Variants in ZNF3 observed in about 807,000 individuals in gnomAD.
The protein encoded by ZNF3 is zinc finger protein 3.
ZNF3 carries 16 observed loss-of-function variants against 36.9 expected under a neutral mutation model. The observed-to-expected ratio is 0.43, with a 90% CI of 0.29 to 0.66. The LOEUF (loss-of-function observed/expected upper bound fraction) is 0.66, where lower values mean the gene tolerates loss of function less well. ZNF3 is among the 30% of genes least tolerant of loss of function. The pLI is 0.13. For synonymous variants in ZNF3, 201 were observed against 201.9 expected (o/e 1.00, Z 0.04); for missense variants, 462 against 543.1 (o/e 0.85, Z 1.48).
downstream of ZNF3, among the ~76,000 whole-genome samples, chr7:100,069,064 G>C (rs1280973343): frequency 6.6e-6 from 1 of 151,698 alleles, no homozygotes; most frequent in Non-Finnish European, 1.5e-5. Context: ...TCCTGACCTT[G>C]TGATCCGCCC....
chr7:100,063,949 C>A (rs752063106), downstream of ZNF3: 1 of 1,614,100 alleles, frequency 6.2e-7, no homozygotes, highest in Admixed American at 1.7e-5. Flanking sequence ...AGGAACAAAA[C>A]CCCCTCTTCA....
rs778673451 is a variant in ZNF3 at position 100,071,212 on chromosome 7, C to G, written c.1272G>C (p.Leu424Phe). ...AGCTTTTGCTCATGCCGATCCCATT[C>G]AAAGGCTTCTCTCCAGTGTGAATTC... ...HQRIHTGEKP[L>F]NGIGMSKSSL... Residue 424 changes from leucine to phenylalanine, a missense_variant, in exon 6 of 6, where the codon TTG becomes TTC. Leu to Phe is a conservative substitution (Grantham distance 22). Transcript: ENST00000299667. The G allele has an allele frequency of 1.9e-6, 3 of 1,614,020 alleles. No homozygotes were observed. The highest frequency in any genetic ancestry group is 2.5e-6 in the Non-Finnish European group (3 of 1,179,914).
exon 6 of ZNF3, chr7:100,064,696 G>C (rs776579791): frequency 1.2e-6 from 2 of 1,606,614 alleles, no homozygotes; most frequent in South Asian, 1.1e-5. Context: ...CATTGCAGCA[G>C]CATCGATTCC....
exon 6 of ZNF3, chr7:100,064,033 G>A (rs762951123): frequency 6.2e-7 from 1 of 1,614,152 alleles, no homozygotes; most frequent in South Asian, 1.1e-5. Flanking sequence ...TTATATATGT[G>A]CTGAATGTGG....
chr7:100,077,060 G>A (rs562728014), intron 3 of ZNF3: 12 of 432,972 alleles, frequency 2.8e-5, no homozygotes, highest in Non-Finnish European at 4.3e-5. Flanking sequence ...AACAGAGCAA[G>A]ACTCCATCTC....
upstream of ZNF3, chr7:100,082,420 C>G (rs1795087292): frequency 6.6e-6 from 1 of 151,848 alleles, no homozygotes; most frequent in African/African-American, 2.4e-5. Flanking sequence ...CCCGTCTCGA[C>G]TAAAAATACA....
exon 6 of ZNF3, chr7:100,064,161 C>T (rs140321647): frequency 7.4e-6 from 12 of 1,613,972 alleles, no homozygotes; most frequent in Admixed American, 3.3e-5. Context: ...ACCTCACCCT[C>T]CACTACAGAA....
chr7:100,070,158 GTTTT>G lies in ZNF3; in HGVS notation c.*981_*984del, dbSNP rs553362839. The G allele has an allele frequency of 2.1e-6, 2 of 966,868 alleles. No individual in the cohort carries two copies. The highest frequency in any genetic ancestry group is 1.9e-5 in the African/African-American group (1 of 53,078). The allele number at this position is 966,868 out of a possible 1,614,324, so 59.9% of individuals were successfully genotyped here. A position where few individuals can be genotyped will look rare whatever the true frequency, so the allele number is the denominator to read the frequency against. ...TGCCTTCTCTGGGCTTCGTTTTTTT[GTTTT>G]TTTGTTTTTTTTTTCTCCCTTTTGG... On this transcript the variant is annotated 3_prime_UTR_variant, in exon 6 of 6. Transcript: ENST00000299667.
chr7:100,074,589 C>T (rs1430649624), intron 5 of ZNF3, among the ~76,000 whole-genome samples: 1 of 152,114 alleles, frequency 6.6e-6, no homozygotes, highest in African/African-American at 2.4e-5. Flanking sequence ...ACTTTCCTTA[C>T]CTGTAAAATG....
At chr7:100,065,292 C>T (rs1008529675), downstream of ZNF3, among the ~76,000 whole-genome samples, 1 of 151,848 alleles carries the variant, frequency 6.6e-6, no homozygotes, top group Non-Finnish European at 1.5e-5. Flanking sequence ...AGCATAGTGG[C>T]GGGTGCCTGT....
intron 2 of ZNF3, chr7:100,077,639 T>C: frequency 3.6e-6 from 1 of 275,792 alleles, no homozygotes; most frequent in Non-Finnish European, 6.7e-6. Context: ...CAGGCAGGTC[T>C]GGAACTCCTG....
At chr7:100,077,931 T>A (rs1396224740) in intron 2 of ZNF3, 3 of 152,330 alleles carry the variant, frequency 2.0e-5, no homozygotes, top group Non-Finnish European at 4.4e-5. Context: ...GATTTCACCA[T>A]GTCAGCCAGG....
In ZNF3 at chr7:100,077,403, G is replaced by C. The variant is rs969788627; in HGVS notation, c.-46C>G. 1.9e-6 allele frequency: 3 copies of C among 1,613,222 alleles called. No homozygotes were observed. On this transcript the variant is annotated 5_prime_UTR_variant, in exon 3 of 6. Coordinates refer to ENST00000299667, the MANE Select transcript of ZNF3 (RefSeq NM_032924.5). ...GGTCTCCTGGGTGCAGACTCAGCGG[G>C]AAGCGGGTTTTAAAAGAGAATGAGG...
chr7:100,063,998 C>G (rs1428047499), downstream of ZNF3: 1 of 1,614,180 alleles, frequency 6.2e-7, no homozygotes. Flanking sequence ...TCAGTTCCTA[C>G]TAAACCTACC....
At chr7:100,069,787 G>A (rs1651450725), downstream of ZNF3, among the ~76,000 whole-genome samples, 1 of 152,000 alleles carries the variant, frequency 6.6e-6, no homozygotes, top group Non-Finnish European at 1.5e-5. Flanking sequence ...CTAATTTTGT[G>A]TTTTTAGTAG....
In ZNF3 at chr7:100,071,861, C is replaced by T. The variant is rs1054037447; in HGVS notation, c.623G>A (p.Ser208Asn). The T allele has an allele frequency of 1.2e-6, 2 of 1,613,972 alleles. No homozygotes were observed. The highest frequency in any genetic ancestry group is 2.7e-5 in the African/African-American group (2 of 74,942). ...AATAAGGTCTGAAGTTCGATTAAAG[C>T]TCTTGCTACATTCATCACACTTATG... is the stretch of plus-strand genomic sequence containing the variant. ...RPHKCDECSK[S>N]FNRTSDLIQH... is the part of the protein sequence containing the mutation. The change falls in exon 6 of 6, where the codon AGC becomes AAC. Residue 208 changes from serine to asparagine, a missense_variant. Transcript: ENST00000299667.
At chr7:100,066,886 T>C (rs530845900), downstream of ZNF3, among the ~76,000 whole-genome samples, 24 of 151,356 alleles carry the variant, frequency 1.6e-4, no homozygotes, top group Non-Finnish European at 2.8e-4. Context: ...AATGCAAAAA[T>C]TAGCCAGGTG....
At chr7:100,069,961 CCA>C (rs1389764577), downstream of ZNF3, 6 of 985,872 alleles carry the variant, frequency 6.1e-6, no homozygotes, top group Non-Finnish European at 7.2e-6. Context: ...TTGCACAAAA[CCA>C]CACTCAATCT....
downstream of ZNF3, among the ~76,000 whole-genome samples, chr7:100,067,723 C>G (rs558406877): frequency 6.6e-6 from 1 of 152,060 alleles, no homozygotes; most frequent in Non-Finnish European, 1.5e-5. Context: ...GAAAACCACT[C>G]GGAAAAGAGC....
Sources: allele counts gnomAD v4.1 joint callset (sites outside exome capture counted in the v4.1 genomes callset), GRCh38; gene constraint gnomAD v4.1.1; transcripts MANE v1.5; gene names NCBI Gene and HGNC (gene_info 2026-07-23, HGNC 2026-07-21).